The following VWA3B variants were observed in gnomAD, a reference collection of about 807,000 sequenced individuals.
VWA3B encodes the protein von Willebrand factor A domain containing 3B, also known as von Willebrand factor A domain-containing protein 3B.
VWA3B carries 138 observed loss-of-function variants against 158.3 expected under a neutral mutation model. That is an observed-to-expected ratio of 0.87 (90% CI 0.76 to 1.00). The LOEUF is 1.00. Among genes scored for constraint, VWA3B ranks in the 50% least tolerant of loss-of-function variants. The probability of loss-of-function intolerance (pLI) is 0.00; values close to 1 mark genes in which losing one functional copy is unlikely to be tolerated. For synonymous variants in VWA3B, 596 were observed against 587.3 expected, an observed-to-expected ratio of 1.01 and a Z score of -0.21; for missense variants, 1,555 against 1,565.1, an observed-to-expected ratio of 0.99 and a Z score of 0.11.
chr2:98,182,388 T>C (rs754870881), intron 9 of VWA3B, among the ~76,000 whole-genome samples: 3 of 152,238 alleles, frequency 2.0e-5, no homozygotes, highest in African/African-American at 4.8e-5. Flanking sequence ...CACCATGTTA[T>C]GTTCTTGCCC....
At chr2:98,200,579 T>C (rs1682454795) in intron 12 of VWA3B, among the ~76,000 whole-genome samples, 1 of 152,014 alleles carries the variant, frequency 6.6e-6, no homozygotes, top group Non-Finnish European at 1.5e-5. Context: ...TTTCTTCATG[T>C]ATTCTGCACA....
chr2:98,257,704 C>A (rs1227736145), intron 21 of VWA3B, among the ~76,000 whole-genome samples: 3 of 151,850 alleles, frequency 2.0e-5, no homozygotes, highest in Non-Finnish European at 4.4e-5. Context: ...TATTCAAGTT[C>A]TTTGTCCATT....
At chr2:98,169,746 TG>T (rs1679420868) in intron 8 of VWA3B, among the ~76,000 whole-genome samples, 1 of 151,756 alleles carries the variant, frequency 6.6e-6, no homozygotes, top group African/African-American at 2.4e-5. Context: ...TGTGTGTGTG[TG>T]TGTGTGTGTG....
intron 1 of VWA3B, among the ~76,000 whole-genome samples, chr2:98,088,167 A>G (rs779877497): frequency 1.6e-4 from 24 of 152,216 alleles, no homozygotes; most frequent in Non-Finnish European, 2.8e-4. Flanking sequence ...TCCTGGAAAA[A>G]TCATCGTTCA....
chr2:98,129,865 T>C (rs536099752), intron 6 of VWA3B, among the ~76,000 whole-genome samples: 1 of 152,256 alleles, frequency 6.6e-6, no homozygotes, highest in African/African-American at 2.4e-5. Context: ...TGATACATAT[T>C]TGTACATATT....
intron 2 of VWA3B, 152 bp from the exon 3 acceptor site, chr2:98,115,500 C>A (rs1026168165): frequency 4.8e-6 from 3 of 621,390 alleles, no homozygotes; most frequent in Non-Finnish European, 8.5e-6. Flanking sequence ...CCTAGAAATA[C>A]TTCATGATTT....
chr2:98,158,249 A>T (rs1486781113), intron 7 of VWA3B, among the ~76,000 whole-genome samples: 1 of 151,780 alleles, frequency 6.6e-6, no homozygotes, highest in Non-Finnish European at 1.5e-5. Context: ...TGGAGGATAC[A>T]AAGAAAGAAA....
chr2:98,249,080 A>G (rs1272692138), intron 19 of VWA3B, among the ~76,000 whole-genome samples: 1 of 152,170 alleles, frequency 6.6e-6, no homozygotes, highest in African/African-American at 2.4e-5. Context: ...CATTTCTAAA[A>G]TGCCTACATG....
chr2:98,112,069 A>C (rs1674174661), intron 2 of VWA3B, among the ~76,000 whole-genome samples: 1 of 152,178 alleles, frequency 6.6e-6, no homozygotes, highest in Admixed American at 6.5e-5. Flanking sequence ...TTTTTAATCC[A>C]TCTTCAATTA....
chr2:98,161,735 C>G (rs988048909), intron 7 of VWA3B, among the ~76,000 whole-genome samples: 5 of 152,180 alleles, frequency 3.3e-5, no homozygotes, highest in Admixed American at 6.5e-5. Flanking sequence ...GGGCTGGAGT[C>G]TCACTCTGTC....
chr2:98,227,527 A>C (rs2105677952), intron 14 of VWA3B, among the ~76,000 whole-genome samples: 1 of 152,348 alleles, frequency 6.6e-6, no homozygotes. Flanking sequence ...GTGGTATTTA[A>C]TAAATAGTAT....
At chr2:98,167,772 G>A (rs768506410) in intron 8 of VWA3B, among the ~76,000 whole-genome samples, 2 of 152,262 alleles carry the variant, frequency 1.3e-5, no homozygotes, top group African/African-American at 2.4e-5. Flanking sequence ...TAGAAGAAAC[G>A]GGGCTTGGAA....
intron 7 of VWA3B, among the ~76,000 whole-genome samples, chr2:98,138,636 A>G (rs1013273014): frequency 6.6e-6 from 1 of 152,174 alleles, no homozygotes; most frequent in Non-Finnish European, 1.5e-5. Context: ...GCAAATCTCG[A>G]TGTTTCCAGA....
intron 2 of VWA3B, among the ~76,000 whole-genome samples, chr2:98,101,299 A>G (rs1683059904): frequency 2.0e-5 from 3 of 152,188 alleles, no homozygotes; most frequent in Admixed American, 2.0e-4. Flanking sequence ...ACGTATATAT[A>G]CTTTTGCATG....
intron 12 of VWA3B, among the ~76,000 whole-genome samples, chr2:98,196,608 G>A (rs974781730): frequency 1.3e-5 from 2 of 152,090 alleles, no homozygotes; most frequent in Non-Finnish European, 2.9e-5. Flanking sequence ...GTAGTTGAGC[G>A]GGGGAGATGG....
intron 8 of VWA3B, among the ~76,000 whole-genome samples, chr2:98,173,568 G>T (rs1679770343): frequency 6.6e-6 from 1 of 152,190 alleles, no homozygotes; most frequent in Admixed American, 6.5e-5. Context: ...TGGGAGAATT[G>T]GTCGATTAGC....
intron 23 of VWA3B, 81 bp downstream of exon 23, chr2:98,290,703 T>TGCTAGAACA (rs931621436): frequency 1.0e-6 from 1 of 980,614 alleles, no homozygotes; most frequent in Non-Finnish European, 1.5e-6. Flanking sequence ...CCTGTGCTTT[T>TGCTAGAACA]GCTAGAACAC....
the VWA3B span, among the ~76,000 whole-genome samples, chr2:98,327,209 C>T: frequency 6.6e-6 from 1 of 152,062 alleles, no homozygotes; most frequent in African/African-American, 2.4e-5. Flanking sequence ...GAGAGGATCA[C>T]TTGAGCCAGG....
At position 98,236,885 on chromosome 2, in the gene VWA3B, C is replaced by T. The variant is rs113714512; in HGVS notation, c.2673+155C>T. Reference sequence around the variant, plus strand: ...AGGCAGTAAAAGGGAGAGAGAGAGGCTTTTAAGAATTTGGGCGCGGTGGCG... The same window carrying T: ...AGGCAGTAAAAGGGAGAGAGAGAGGTTTTTAAGAATTTGGGCGCGGTGGCG... On this transcript the variant is annotated intron_variant, in intron 19 of 27. Coordinates refer to ENST00000477737, the MANE Select transcript of VWA3B (RefSeq NM_144992.5). 2,316 of 1,152,418 alleles carry T rather than the reference C, an allele frequency of 2.0e-3. 2 individuals carry two copies. Among genetic ancestry groups the T allele is most frequent in the Non-Finnish European group, 2.6e-3 (2,186 of 833,214 alleles). The allele number at this position is 1,152,418 out of a possible 1,614,324, so 71.4% of individuals were successfully genotyped here.
Sources: allele counts gnomAD v4.1 joint callset (sites outside exome capture counted in the v4.1 genomes callset), GRCh38; gene constraint gnomAD v4.1.1; transcripts MANE v1.5; gene names NCBI Gene and HGNC (gene_info 2026-07-23, HGNC 2026-07-21).